The following CCDC171 variants were observed in gnomAD, a reference collection of about 807,000 sequenced individuals.
The protein encoded by CCDC171 is coiled-coil domain-containing protein 171.
CCDC171 carries 177 observed loss-of-function variants against 168.2 expected under a neutral mutation model. That is an observed-to-expected ratio of 1.05 (90% CI 0.93 to 1.19). The LOEUF is 1.19. Ranked by LOEUF, CCDC171 falls within the 50% of genes most tolerant of loss-of-function variation. The pLI, the probability that CCDC171 is intolerant of heterozygous loss-of-function variation, is 0.00. For synonymous variants in CCDC171, 687 were observed against 540.8 expected (o/e 1.27, Z -3.75); for missense variants, 1,991 against 1,539.0 (o/e 1.29, Z -4.91).
At chr9:16,011,492 A>C (rs1447731002) in intron 3 of CCDC171, among the ~76,000 whole-genome samples, 1 of 152,132 alleles carries the variant, frequency 6.6e-6, no homozygotes, top group East Asian at 1.9e-4. Flanking sequence ...TTTTTTGAAA[A>C]ATGACAGGCA....
chr9:16,099,676 C>T, the CCDC171 span, among the ~76,000 whole-genome samples: 1 of 152,168 alleles, frequency 6.6e-6, no homozygotes, highest in African/African-American at 2.4e-5. Context: ...TTGCCATATT[C>T]GTGGGCTTCT....
chr9:15,789,865 C>T (rs1176357683), intron 21 of CCDC171, among the ~76,000 whole-genome samples: 11 of 150,350 alleles, frequency 7.3e-5, no homozygotes, highest in Admixed American at 4.0e-4. Flanking sequence ...GGTTTTTTGT[C>T]CCTGCAATAG....
At chr9:15,981,306 C>T (rs1049463580) in intron 3 of CCDC171, among the ~76,000 whole-genome samples, 2 of 152,174 alleles carry the variant, frequency 1.3e-5, no homozygotes, top group African/African-American at 4.8e-5. Flanking sequence ...AGAGAACACT[C>T]ACTCTTTCTC....
At chr9:15,781,501 T>C (rs976509008) in intron 20 of CCDC171, among the ~76,000 whole-genome samples, 5 of 152,170 alleles carry the variant, frequency 3.3e-5, no homozygotes, top group African/African-American at 1.2e-4. Context: ...CACTGCAGCC[T>C]CCACCTCCCA....
At chr9:15,918,475 A>T (rs1055420604) in intron 24 of CCDC171, among the ~76,000 whole-genome samples, 1 of 151,468 alleles carries the variant, frequency 6.6e-6, no homozygotes, top group East Asian at 1.9e-4. Flanking sequence ...TACTATCTCA[A>T]TGGAGAAGAT....
At chr9:15,573,639 A>C (rs976490336) in intron 3 of CCDC171, among the ~76,000 whole-genome samples, 1 of 111,592 alleles carries the variant, frequency 9.0e-6, no homozygotes. Flanking sequence ...ACATTGTAAT[A>C]ATCATATAAA....
the CCDC171 span, among the ~76,000 whole-genome samples, chr9:16,098,982 A>T: frequency 6.6e-6 from 1 of 152,224 alleles, no homozygotes; most frequent in South Asian, 2.1e-4. Context: ...CATAGGATGG[A>T]TATAATAAGC....
At chr9:15,827,194 A>G (rs1399497414) in intron 21 of CCDC171, among the ~76,000 whole-genome samples, 4 of 152,136 alleles carry the variant, frequency 2.6e-5, no homozygotes, top group Non-Finnish European at 5.9e-5. Context: ...AGTTTGTTTT[A>G]TGAAATAAAT....
chr9:16,094,752 A>G, the CCDC171 span, among the ~76,000 whole-genome samples: 3 of 152,244 alleles, frequency 2.0e-5, no homozygotes, highest in African/African-American at 7.2e-5. Context: ...GATGATATGA[A>G]ATAATCAGAA....
intron 24 of CCDC171, among the ~76,000 whole-genome samples, chr9:15,898,834 G>T (rs1416867203): frequency 6.6e-6 from 1 of 151,964 alleles, no homozygotes; most frequent in Non-Finnish European, 1.5e-5. Flanking sequence ...CAGAAAATTG[G>T]CATTAGTACA....
the CCDC171 span, among the ~76,000 whole-genome samples, chr9:16,105,089 A>G: frequency 0.22 from 33,602 of 152,120 alleles, 3,992 homozygotes; most frequent in African/African-American, 0.29. Context: ...CTTGCCAAAG[A>G]CTAAAATTCT....
chr9:15,717,234 C>T (rs554837619), intron 11 of CCDC171, among the ~76,000 whole-genome samples: 5 of 152,268 alleles, frequency 3.3e-5, no homozygotes, highest in African/African-American at 7.2e-5. Context: ...GATGCCCTGT[C>T]ACAGTGGAAA....
Position 15,784,585 on chromosome 9 carries a change from A to C in CCDC171, c.3158A>C (p.Gln1053Pro). 1 of 1,613,304 alleles carries C rather than the reference A, an allele frequency of 6.2e-7. No individual in the cohort carries two copies. The highest frequency in any genetic ancestry group is 8.5e-7 in the Non-Finnish European group (1 of 1,179,388). ...NNALLREEQA[Q>P]MLLNEQAQQL... ...GCATTACTTCGGGAAGAGCAGGCAC[A>C]AATGCTATTGAATGAACAGGCACAA... Residue 1053 changes from glutamine to proline, a missense_variant, in exon 21 of 26, where the codon CAA becomes CCA. By Grantham distance (76) the Gln-to-Pro change is moderately conservative (BLOSUM62 -1). Transcript: ENST00000380701.
At chr9:15,931,863 A>G (rs1272219098) in intron 25 of CCDC171, among the ~76,000 whole-genome samples, 2 of 151,794 alleles carry the variant, frequency 1.3e-5, no homozygotes, top group African/African-American at 2.4e-5. Context: ...TCCCAATACT[A>G]TTTATTGAAG....
Position 16,048,120 on chromosome 9 carries a change from T to A in CCDC171, n.89+5234T>A, listed in dbSNP as rs574672362. Among the ~76,000 whole-genome samples, 17 of 152,292 alleles carry A rather than the reference T, an allele frequency of 1.1e-4. No individual in the cohort carries two copies. The South Asian group carries it at 3.3e-3, about 30-fold the overall frequency. On this transcript the variant is annotated intron_variant and non_coding_transcript_variant, in intron 1 of 1. Transcript: ENST00000478913. ...CAAAGCACCAAGTGACTTGTCAAGTTTTGACATTGGCTGCCAAGCTTGAGC... is the reference window on the plus strand; with the variant it reads ...CAAAGCACCAAGTGACTTGTCAAGTATTGACATTGGCTGCCAAGCTTGAGC...
Position 15,701,526 on chromosome 9 carries a change from C to A in CCDC171, c.1318+6189C>A, listed in dbSNP as rs558852433. Among the ~76,000 whole-genome samples the A allele has an allele frequency of 2.0e-5, 3 of 150,546 alleles. No homozygotes were observed. The South Asian group carries it at 6.3e-4, about 31-fold the overall frequency. ...TGACTCTTATTTTCATGAAAGAATT[C>A]TCTGTACCATGCCATGCTATTTGAT... On this transcript the variant is annotated intron_variant, in intron 11 of 25. Coordinates refer to ENST00000380701, the MANE Select transcript of CCDC171 (RefSeq NM_173550.4).
At chr9:16,022,166 G>T (rs1833184509) in intron 4 of CCDC171, among the ~76,000 whole-genome samples, 1 of 152,176 alleles carries the variant, frequency 6.6e-6, no homozygotes, top group Non-Finnish European at 1.5e-5. Flanking sequence ...TGTAGAATAG[G>T]CATGGAACCC....
intron 25 of CCDC171, among the ~76,000 whole-genome samples, chr9:15,948,824 T>G (rs1056242069): frequency 1.3e-5 from 2 of 151,510 alleles, no homozygotes; most frequent in African/African-American, 4.8e-5. Context: ...CTCTTTAGTT[T>G]AATTAGATCC....
intron 2 of CCDC171, among the ~76,000 whole-genome samples, chr9:15,564,367 A>G (rs908750552): frequency 6.6e-6 from 1 of 152,148 alleles, no homozygotes; most frequent in Non-Finnish European, 1.5e-5. Flanking sequence ...GTGTGTCTGA[A>G]CTTTGTCCTG....
Sources: gnomAD v4.1 joint callset for allele counts (sites outside exome capture counted in the v4.1 genomes callset) on GRCh38, gnomAD v4.1.1 for gene constraint, MANE v1.5 for transcripts, NCBI Gene and HGNC (gene_info 2026-07-23, HGNC 2026-07-21) for gene names.